The following SDK1 variants were observed in gnomAD, a reference collection of about 807,000 sequenced individuals.
SDK1 encodes protein sidekick-1.
A neutral mutation model predicts 245.5 loss-of-function variants in SDK1; 157 were observed. The ratio of observed to expected loss-of-function variants is 0.64; its 90% CI spans 0.56 to 0.73. SDK1 has a LOEUF of 0.73. Ranked by LOEUF, SDK1 falls within the 30% of genes least tolerant of loss-of-function variation. The pLI is 0.00. For synonymous variants in SDK1, 1,647 were observed against 1,278.5 expected (o/e 1.29, Z -6.15); for missense variants, 3,583 against 3,002.3 (o/e 1.19, Z -4.52).
At chr7:3,446,386 C>G (rs1780341645) in intron 1 of SDK1, among the ~76,000 whole-genome samples, 1 of 152,122 alleles carries the variant, frequency 6.6e-6, no homozygotes, top group Non-Finnish European at 1.5e-5. Flanking sequence ...AATTTTTGCA[C>G]TTTATCATAC....
chr7:3,706,297 G>T (rs1784887230), intron 4 of SDK1, among the ~76,000 whole-genome samples: 1 of 152,156 alleles, frequency 6.6e-6, no homozygotes, highest in Admixed American at 6.5e-5. Context: ...AGTTAGGGAG[G>T]ATTCCCTCTT....
At chr7:3,439,220 C>G (rs1204185486) in intron 1 of SDK1, among the ~76,000 whole-genome samples, 1 of 152,106 alleles carries the variant, frequency 6.6e-6, no homozygotes, top group Admixed American at 6.6e-5. Context: ...GGTGGTTAGA[C>G]ACAATATAGT....
intron 4 of SDK1, among the ~76,000 whole-genome samples, chr7:3,750,667 T>C (rs1359974661): frequency 6.6e-6 from 1 of 152,240 alleles, no homozygotes; most frequent in Non-Finnish European, 1.5e-5. Context: ...CTGATTTAAC[T>C]GAGTTCTTTG....
chr7:3,322,849 G>A (rs1030674127), intron 1 of SDK1, among the ~76,000 whole-genome samples: 3 of 151,958 alleles, frequency 2.0e-5, no homozygotes, highest in South Asian at 4.2e-4. Context: ...TGTCTCTGTC[G>A]CCCAGGCTGG....
chr7:3,744,670 G>T (rs1440715101), intron 4 of SDK1, among the ~76,000 whole-genome samples: 1 of 151,956 alleles, frequency 6.6e-6, no homozygotes, highest in Non-Finnish European at 1.5e-5. Context: ...AAATTAGCCA[G>T]GCGTGGTGGC....
intron 30 of SDK1, among the ~76,000 whole-genome samples, chr7:4,151,823 C>T (rs1347545101): frequency 6.6e-6 from 1 of 152,222 alleles, no homozygotes; most frequent in Non-Finnish European, 1.5e-5. Flanking sequence ...AACGCATATG[C>T]AGGTGCCTTG....
chr7:3,679,522 G>C (rs902730132), intron 4 of SDK1, among the ~76,000 whole-genome samples: 3 of 151,896 alleles, frequency 2.0e-5, no homozygotes, highest in Non-Finnish European at 4.4e-5. Context: ...AGCCGAGATC[G>C]TGCCACTGCA....
chr7:4,219,461 A>T (rs751032687), intron 38 of SDK1, among the ~76,000 whole-genome samples: 1 of 152,236 alleles, frequency 6.6e-6, no homozygotes, highest in Non-Finnish European at 1.5e-5. Context: ...CACATCTTAC[A>T]TGGTGGCAGG....
intron 1 of SDK1, among the ~76,000 whole-genome samples, chr7:3,532,306 T>G (rs1229408298): frequency 6.6e-6 from 1 of 152,096 alleles, no homozygotes; most frequent in Non-Finnish European, 1.5e-5. Flanking sequence ...AGAGTGAGGG[T>G]GTAGGGAAGA....
Position 4,267,473 on chromosome 7 carries a change from G to C in SDK1, c.*2089G>C. 1 of 985,424 alleles carries C rather than the reference G, an allele frequency of 1.0e-6. No individual in the cohort carries two copies. The highest frequency in any genetic ancestry group is 1.2e-6 in the Non-Finnish European group (1 of 829,940). The allele number at this position is 985,424 out of a possible 1,614,324, so 61.0% of individuals were successfully genotyped here. On this transcript the variant is annotated 3_prime_UTR_variant, in exon 45 of 45. Coordinates refer to ENST00000404826, the MANE Select transcript of SDK1 (RefSeq NM_152744.4). ...TCCCCGGATGAGACTCACCACAGTG[G>C]ACAGTGCCACCTCCTTCCCCTCGGC...
intron 4 of SDK1, among the ~76,000 whole-genome samples, chr7:3,691,173 C>G (rs1784428429): frequency 1.1e-5 from 1 of 91,786 alleles, no homozygotes; most frequent in South Asian, 3.5e-4. Context: ...AACATGAATT[C>G]AAATGTATAC....
intron 14 of SDK1, among the ~76,000 whole-genome samples, chr7:4,002,242 G>A (rs1947156671): frequency 2.2e-3 from 1 of 458 alleles, no homozygotes; most frequent in Admixed American, 0.029. Context: ...TCTGAGTCTG[G>A]GCTCCAGCCG....
intron 1 of SDK1, among the ~76,000 whole-genome samples, chr7:3,550,944 T>C (rs1779383349): frequency 6.6e-6 from 1 of 152,220 alleles, no homozygotes; most frequent in South Asian, 2.1e-4. Context: ...TTATCATTCT[T>C]GATTGTTAAA....
chr7:3,766,974 G>A (rs1018863639), intron 4 of SDK1, among the ~76,000 whole-genome samples: 2 of 152,172 alleles, frequency 1.3e-5, no homozygotes, highest in Non-Finnish European at 2.9e-5. Flanking sequence ...TTGGGTTTTC[G>A]TAGCTATTTG....
intron 1 of SDK1, among the ~76,000 whole-genome samples, chr7:3,362,603 A>G (rs895053314): frequency 1.3e-5 from 2 of 152,180 alleles, no homozygotes; most frequent in Non-Finnish European, 1.5e-5. Context: ...AAACTTCTGA[A>G]GAAATGTACA....
At chr7:3,841,149 C>G (rs1184123978) in intron 5 of SDK1, among the ~76,000 whole-genome samples, 1 of 152,232 alleles carries the variant, frequency 6.6e-6, no homozygotes, top group Admixed American at 6.5e-5. Context: ...TGCCTTGCCT[C>G]TTTCCTCGTA....
intron 1 of SDK1, among the ~76,000 whole-genome samples, chr7:3,617,238 C>G (rs1781799553): frequency 6.6e-6 from 1 of 152,144 alleles, no homozygotes. Flanking sequence ...ATTCATTCAA[C>G]AGATATTTAT....
chr7:4,197,448 A>G (rs1275431886), intron 35 of SDK1, among the ~76,000 whole-genome samples: 3 of 152,210 alleles, frequency 2.0e-5, no homozygotes, highest in Non-Finnish European at 4.4e-5. Flanking sequence ...TGATGGTGCC[A>G]CTGCACTCCA....
At chr7:3,487,364 C>T (rs909091153) in intron 1 of SDK1, among the ~76,000 whole-genome samples, 6 of 152,086 alleles carry the variant, frequency 3.9e-5, no homozygotes, top group Admixed American at 6.5e-5. Flanking sequence ...TCTAAACCAT[C>T]GTACTTAACA....
Sources: gnomAD v4.1 joint callset for allele counts (sites outside exome capture counted in the v4.1 genomes callset) on GRCh38, gnomAD v4.1.1 for gene constraint, MANE v1.5 for transcripts, NCBI Gene and HGNC (gene_info 2026-07-23, HGNC 2026-07-21) for gene names.